Variants in PCLO observed in about 807,000 individuals in gnomAD.
The protein encoded by PCLO is protein piccolo.
In PCLO, 82 loss-of-function variants were observed where a neutral mutation model predicts 427.5. The observed-to-expected ratio is 0.19, with a 90% confidence interval of 0.16 to 0.23. The LOEUF (loss-of-function observed/expected upper bound fraction) is 0.23. PCLO is among the 10% of genes least tolerant of loss of function. PCLO has a pLI of 1.00. For synonymous variants in PCLO, 2,357 were observed against 2,155.4 expected, an observed-to-expected ratio of 1.09 and a Z score of -2.59; for missense variants, 6,239 against 6,115.9, an observed-to-expected ratio of 1.02 and a Z score of -0.67.
rs543580563 is a variant in PCLO, at chr7:83,141,918, A to C, written c.1894-6262T>G. Among the ~76,000 whole-genome samples the C allele has an allele frequency of 1.2e-4, 18 of 152,352 alleles. 2 individuals carry two copies. Among genetic ancestry groups the C allele is most frequent in the East Asian group, 1.2e-3 (6 of 5,182 alleles). ...ATAATGACTCAAAATAATCAGTTTG[A>C]TACATCTAAGCAATGAAGTGAATTG... On this transcript the variant is annotated intron_variant, in intron 2 of 24. Transcript: ENST00000333891.
At chr7:82,873,621 C>A (rs984040120) in intron 10 of PCLO, among the ~76,000 whole-genome samples, 1 of 152,148 alleles carries the variant, frequency 6.6e-6, no homozygotes, top group Non-Finnish European at 1.5e-5. Flanking sequence ...AGGCAGAAAA[C>A]ACTTCCACAT....
In PCLO at chr7:82,924,144, C is replaced by T. The variant is rs186038884; in HGVS notation, c.11113-7271G>A. Among the ~76,000 whole-genome samples the T allele has an allele frequency of 8.6e-5, 13 of 151,904 alleles. No individual in the cohort carries two copies. In the South Asian group the frequency reaches 1.0e-3, roughly 12 times the overall value. ...TTATCATAGTGCCTTACTCTGAATGCGAAAAGGCTGACTTCCTAGAGTAAC... is the reference window on the plus strand; with the variant it reads ...TTATCATAGTGCCTTACTCTGAATGTGAAAAGGCTGACTTCCTAGAGTAAC... On this transcript the variant is annotated intron_variant, in intron 6 of 24. Coordinates refer to ENST00000333891, the MANE Select transcript of PCLO (RefSeq NM_033026.6).
chr7:82,993,426 A>AT, intron 3 of PCLO, among the ~76,000 whole-genome samples: 1 of 151,928 alleles, frequency 6.6e-6, no homozygotes, highest in East Asian at 1.9e-4. Flanking sequence ...AGGCTTTGGC[A>AT]TTTTTTTAAA....
rs144031949 is a variant in PCLO, at chr7:82,816,464, T to C, written c.14791+6031A>G. 1.8e-3 allele frequency among the ~76,000 whole-genome samples: 270 copies of C among 152,232 alleles called. 4 individuals are homozygous for C. The highest frequency in any genetic ancestry group is 6.2e-3 in the African/African-American group (259 of 41,560). ...CCTCCCCCATCAGCATTTACTTGCCTGTCTTACTTCCACAGGTCCTGCTCC... is the reference window on the plus strand; with the variant it reads ...CCTCCCCCATCAGCATTTACTTGCCCGTCTTACTTCCACAGGTCCTGCTCC... On this transcript the variant is annotated intron_variant, in intron 20 of 24. Transcript: ENST00000333891.
intron 7 of PCLO, among the ~76,000 whole-genome samples, chr7:82,911,006 G>T (rs1034034949): frequency 6.6e-6 from 1 of 152,000 alleles, no homozygotes; most frequent in Non-Finnish European, 1.5e-5. Context: ...CCTTTATGAT[G>T]TAGTACAAGA....
chr7:83,011,273 C>G (rs1020587447), intron 3 of PCLO, among the ~76,000 whole-genome samples: 3 of 151,740 alleles, frequency 2.0e-5, no homozygotes, highest in African/African-American at 7.3e-5. Flanking sequence ...ATATTTTAGA[C>G]CCAGTGTGAA....
Position 82,955,926 on chromosome 7 carries a change from A to C in PCLO, c.5027T>G (p.Ile1676Arg). ...TGACTCTGCAGAATATTTATCTGCT[A>C]TTGTACTGTTGAGCTCAATTGTTTT... ...RFKTIELNST[I>R]ADKYSAESSQ... The change falls in exon 5 of 25, where the codon ATA becomes AGA. Residue 1676 changes from isoleucine to arginine, a missense_variant. Around this residue, in one of 5 missense-constraint regions of PCLO, gnomAD observed 4,677 missense variants for 4,468.4 expected, o/e 1.05. Transcript: ENST00000333891. 6.2e-7 allele frequency: 1 copy of C among 1,613,832 alleles called. No individual in the cohort carries two copies. The highest frequency in any genetic ancestry group is 8.5e-7 in the Non-Finnish European group (1 of 1,179,822).
At chr7:83,000,638 C>G (rs1339735561) in intron 3 of PCLO, among the ~76,000 whole-genome samples, 1 of 151,974 alleles carries the variant, frequency 6.6e-6, no homozygotes, top group Non-Finnish European at 1.5e-5. Flanking sequence ...AGGGTTCACA[C>G]TCCTTTGAGA....
At chr7:83,112,906 A>G (rs1201107772) in intron 3 of PCLO, among the ~76,000 whole-genome samples, 2 of 152,214 alleles carry the variant, frequency 1.3e-5, no homozygotes, top group Non-Finnish European at 2.9e-5. Flanking sequence ...GCCCGGAGTA[A>G]AGACCTCCAT....
intron 3 of PCLO, among the ~76,000 whole-genome samples, chr7:82,978,161 G>T (rs1313823385): frequency 6.7e-6 from 1 of 149,520 alleles, no homozygotes; most frequent in Non-Finnish European, 1.5e-5. Flanking sequence ...ATATTAGAGA[G>T]ACCCCCACCC....
chr7:82,960,126 T>C (rs1795623599), intron 4 of PCLO, among the ~76,000 whole-genome samples: 2 of 152,256 alleles, frequency 1.3e-5, no homozygotes, highest in African/African-American at 2.4e-5. Flanking sequence ...CATATAAAAC[T>C]GTGCAAAGAA....
intron 3 of PCLO, among the ~76,000 whole-genome samples, chr7:82,986,356 C>CTT (rs370323102): frequency 6.6e-6 from 1 of 151,534 alleles, no homozygotes; most frequent in Non-Finnish European, 1.5e-5. Context: ...GAAATATGCT[C>CTT]TTTTAATGAA....
At position 82,908,857 on chromosome 7, in the gene PCLO, T is replaced by C. The variant is rs1794253798; in HGVS notation, c.13437+20A>G. 1.9e-6 allele frequency: 3 copies of C among 1,600,340 alleles called. No individual in the cohort carries two copies. The highest frequency in any genetic ancestry group is 1.1e-5 in the South Asian group (1 of 89,804). On this transcript the variant is annotated intron_variant, in intron 8 of 24. Transcript: ENST00000333891. ...TCTTTTTTGATAAATCTAAAAGAAA[T>C]TGCTAAATATAGCACTTACTTGCTC... is the stretch of plus-strand genomic sequence containing the variant.
Position 82,966,264 on chromosome 7 carries a change from T to G in PCLO, c.3524A>C (p.Lys1175Thr). Reference sequence around the variant, plus strand: ...TTCCATTGATAGTGTTTCCTTTACTTTTTCCAGAATGACTTTTTCAGCTTC... The same window carrying G: ...TTCCATTGATAGTGTTTCCTTTACTGTTTCCAGAATGACTTTTTCAGCTTC... ...KTEAEKVILE[K>T]VKETLSMEKI... The change falls in exon 4 of 25, where the codon AAA becomes ACA. Residue 1175 changes from lysine to threonine, a missense_variant. Lys to Thr is a moderately conservative substitution (Grantham distance 78). Transcript: ENST00000333891. 1 of 1,612,484 alleles carries G rather than the reference T, an allele frequency of 6.2e-7. No homozygotes were observed. Among genetic ancestry groups the G allele is most frequent in the Non-Finnish European group, 8.5e-7 (1 of 1,179,558 alleles).
chr7:82,882,249 A>G (rs192378412), intron 9 of PCLO, among the ~76,000 whole-genome samples: 1 of 152,342 alleles, frequency 6.6e-6, no homozygotes, highest in Admixed American at 6.5e-5. Flanking sequence ...AAATCTAGAA[A>G]GCAGAATACC....
At chr7:82,761,822 G>C (rs1320106955) in intron 22 of PCLO, among the ~76,000 whole-genome samples, 2 of 152,004 alleles carry the variant, frequency 1.3e-5, no homozygotes, top group East Asian at 1.9e-4. Flanking sequence ...TTACACCAAA[G>C]TATGTTAGAC....
chr7:83,009,867 A>C (rs1368665925), intron 3 of PCLO, among the ~76,000 whole-genome samples: 2 of 151,958 alleles, frequency 1.3e-5, no homozygotes, highest in African/African-American at 4.8e-5. Flanking sequence ...TAAGGTTAGA[A>C]TATAATAACT....
chr7:82,793,369 T>C (rs1791147424), intron 22 of PCLO, among the ~76,000 whole-genome samples: 1 of 152,048 alleles, frequency 6.6e-6, no homozygotes, highest in Non-Finnish European at 1.5e-5. Flanking sequence ...TGGTTTTGAG[T>C]CCCAGCCAAG....
At chr7:82,995,918 A>G (rs1429699318) in intron 3 of PCLO, among the ~76,000 whole-genome samples, 1 of 151,954 alleles carries the variant, frequency 6.6e-6, no homozygotes, top group Non-Finnish European at 1.5e-5. Context: ...CTATTGGAAG[A>G]ATCCAATAAA....
Sources: allele counts gnomAD v4.1 joint callset (sites outside exome capture counted in the v4.1 genomes callset), GRCh38; gene constraint gnomAD v4.1.1; regional missense constraint gnomAD v4.1.1; transcripts MANE v1.5; gene names NCBI Gene and HGNC (gene_info 2026-07-23, HGNC 2026-07-21).